The following DEFB104A variants were observed in gnomAD, a reference collection of about 807,000 sequenced individuals.
DEFB104A encodes the protein beta-defensin 104.
At chr8:7,836,847 A>T (rs2739960) in intron 1 of DEFB104A, among the ~76,000 whole-genome samples, 1 of 133,920 alleles carries the variant, frequency 7.5e-6, no homozygotes, top group South Asian at 2.7e-4. Context: ...ATCCTCAGCA[A>T]TGAGGACTCA....
At chr8:7,836,777 G>C (rs1817658613) in intron 1 of DEFB104A, among the ~76,000 whole-genome samples, 1 of 144,930 alleles carries the variant, frequency 6.9e-6, no homozygotes, top group Non-Finnish European at 1.5e-5. Flanking sequence ...GAAACGTAGG[G>C]ATCAGGAGTC....
chr8:7,837,029 G>A (rs1817663301), intron 1 of DEFB104A, among the ~76,000 whole-genome samples: 1 of 142,274 alleles, frequency 7.0e-6, no homozygotes, highest in Non-Finnish European at 1.5e-5. Context: ...AGATGATTAG[G>A]GTTAAAGGGG....
chr8:7,840,463 T>G, intron 1 of DEFB104A, among the ~76,000 whole-genome samples: 1 of 8,044 alleles, frequency 1.2e-4, no homozygotes, highest in African/African-American at 1.3e-4. Flanking sequence ...GAAAAAATAC[T>G]TTTGGGGCAT....
chr8:7,839,374 C>T (rs1817713648), intron 1 of DEFB104A, among the ~76,000 whole-genome samples: 1 of 145,192 alleles, frequency 6.9e-6, no homozygotes, highest in African/African-American at 2.5e-5. Context: ...TCAACCTCCA[C>T]ATACTCCCTC....
chr8:7,836,784 A>T (rs1817658768), intron 1 of DEFB104A, among the ~76,000 whole-genome samples: 1 of 144,530 alleles, frequency 6.9e-6, no homozygotes. Flanking sequence ...AGGGATCAGG[A>T]GTCCTAGATG....
intron 1 of DEFB104A, among the ~76,000 whole-genome samples, chr8:7,839,141 C>T (rs1817707659): frequency 6.9e-6 from 1 of 145,354 alleles, no homozygotes; most frequent in South Asian, 2.1e-4. Flanking sequence ...CTTTCCTTCT[C>T]TGAGCCTTCA....
intron 1 of DEFB104A, among the ~76,000 whole-genome samples, chr8:7,837,476 C>G (rs1817672512): frequency 7.0e-6 from 1 of 142,250 alleles, no homozygotes; most frequent in Non-Finnish European, 1.5e-5. Context: ...GATTTTTTTT[C>G]AGAGGGTACC....
At chr8:7,839,505 G>A (rs1488719899) in intron 1 of DEFB104A, among the ~76,000 whole-genome samples, 7 of 80,972 alleles carry the variant, frequency 8.6e-5, no homozygotes, top group Non-Finnish European at 1.6e-4. Context: ...CCCGCTGTGG[G>A]GCCATTGCAA....
At chr8:7,839,018 G>C (rs1426348982) in intron 1 of DEFB104A, among the ~76,000 whole-genome samples, 1 of 142,930 alleles carries the variant, frequency 7.0e-6, no homozygotes, top group African/African-American at 2.5e-5. Context: ...CAGCCTTAGT[G>C]TATGGACTGC....
intron 1 of DEFB104A, among the ~76,000 whole-genome samples, chr8:7,840,362 A>AGAGG (rs1817738299): frequency 1.5e-5 from 1 of 68,676 alleles, no homozygotes; most frequent in Non-Finnish European, 3.0e-5. Context: ...CTCTCTCTAT[A>AGAGG]TATGTGTATA....
At chr8:7,837,501 C>G (rs1817673012) in intron 1 of DEFB104A, among the ~76,000 whole-genome samples, 1 of 141,710 alleles carries the variant, frequency 7.1e-6, no homozygotes, top group Non-Finnish European at 1.5e-5. Flanking sequence ...TAGGTTAACT[C>G]TTCCTTTTTC....
intron 1 of DEFB104A, among the ~76,000 whole-genome samples, chr8:7,837,818 G>A (rs1416149882): frequency 1.5e-5 from 2 of 134,846 alleles, no homozygotes; most frequent in East Asian, 4.4e-4. Flanking sequence ...GGCAGAAGTG[G>A]GTGAGGGTGA....
intron 1 of DEFB104A, among the ~76,000 whole-genome samples, chr8:7,838,339 GC>G: frequency 7.0e-6 from 1 of 142,272 alleles, no homozygotes; most frequent in Non-Finnish European, 1.5e-5. Context: ...ACCCCCACAG[GC>G]CCCCCGCCAC....
chr8:7,837,690 T>C (rs1209255162), intron 1 of DEFB104A, among the ~76,000 whole-genome samples: 7 of 143,342 alleles, frequency 4.9e-5, no homozygotes, highest in African/African-American at 1.9e-4. Context: ...TCCCGAAGAA[T>C]GCACCGCAGA....
At chr8:7,837,040 ATGCAGTGAT>A (rs1423466039) in intron 1 of DEFB104A, among the ~76,000 whole-genome samples, 1 of 142,218 alleles carries the variant, frequency 7.0e-6, no homozygotes, top group Non-Finnish European at 1.5e-5. Flanking sequence ...GTTAAAGGGG[ATGCAGTGAT>A]TTCAGTAGGC....
chr8:7,838,666 CA>C, intron 1 of DEFB104A, among the ~76,000 whole-genome samples: 1 of 143,246 alleles, frequency 7.0e-6, no homozygotes, highest in Admixed American at 7.1e-5. Flanking sequence ...GGCGACAGAG[CA>C]AGACTCTGTC....
In DEFB104A at chr8:7,838,712, AC is replaced by A. The variant is rs1283283721; in HGVS notation, c.58+2171del. ...ACCAAAAAAACAAACAAAAAAAAAA[AC>A]AAAGCAAATCTTACACGTCTTGATT... On this transcript the variant is annotated intron_variant, in intron 1 of 1. Transcript: ENST00000314265. 1.4e-4 allele frequency among the ~76,000 whole-genome samples: 20 copies of A among 142,146 alleles called. No homozygotes were observed. In the East Asian group the frequency reaches 4.0e-3, roughly 29 times the overall value. The allele number at this position is 142,146 out of a possible 152,430, so 93.3% of individuals were successfully genotyped here.
At chr8:7,838,578 G>A (rs1817693240) in intron 1 of DEFB104A, among the ~76,000 whole-genome samples, 2 of 145,564 alleles carry the variant, frequency 1.4e-5, no homozygotes, top group African/African-American at 5.0e-5. Context: ...TGCTCAGGAG[G>A]CGGAGGCAGG....
At chr8:7,837,459 G>T (rs1408572564) in intron 1 of DEFB104A, among the ~76,000 whole-genome samples, 1 of 142,512 alleles carries the variant, frequency 7.0e-6, no homozygotes, top group East Asian at 2.3e-4. Flanking sequence ...GATTCAGATG[G>T]GTTAATGATT....
Sources: allele counts gnomAD v4.1 joint callset (sites outside exome capture counted in the v4.1 genomes callset), GRCh38; gene constraint gnomAD v4.1.1; transcripts MANE v1.5; gene names NCBI Gene and HGNC (gene_info 2026-07-23, HGNC 2026-07-21).